The following DNAH9 variants were observed in gnomAD, a reference collection of about 807,000 sequenced individuals.
The protein encoded by DNAH9 is dynein axonemal heavy chain 9, also known as DNAH9 variant protein.
Under a neutral mutation model 471.6 loss-of-function variants are expected in DNAH9, and 345 were observed. The ratio of observed to expected loss-of-function variants is 0.73; its 90% confidence interval spans 0.67 to 0.80. DNAH9 has a LOEUF of 0.80. Among genes scored for constraint, DNAH9 ranks in the 30% least tolerant of loss-of-function variants. The pLI is 0.00. For missense variants in DNAH9, 5,407 were observed against 5,609.2 expected (o/e 0.96, Z 1.15); for synonymous variants, 2,093 against 2,123.6 (o/e 0.99, Z 0.40).
At chr17:11,789,455 T>C (rs1968988847) in intron 41 of DNAH9, among the ~76,000 whole-genome samples, 1 of 152,082 alleles carries the variant, frequency 6.6e-6, no homozygotes, top group Admixed American at 6.5e-5. Flanking sequence ...TGCTAATTTA[T>C]TGGCATAAAA....
At chr17:11,957,640 GTTCTC>G (rs1975719680) in intron 67 of DNAH9, among the ~76,000 whole-genome samples, 1 of 143,902 alleles carries the variant, frequency 6.9e-6, no homozygotes. Flanking sequence ...CAACAAAACT[GTTCTC>G]TTCAGCAGAG....
intron 20 of DNAH9, among the ~76,000 whole-genome samples, chr17:11,692,088 A>C (rs1381728793): frequency 6.6e-6 from 1 of 152,124 alleles, no homozygotes; most frequent in Non-Finnish European, 1.5e-5. Flanking sequence ...GGCTTGAGCC[A>C]CTGTGCCCAG....
Position 11,679,796 on chromosome 17 carries a change from C to G in DNAH9, c.3393C>G (p.Ser1131Arg). The change falls in exon 18 of 69, where the codon AGC becomes AGG. Residue 1131 changes from serine (S) to arginine (R), a missense_variant. Physicochemically the swap from Ser to Arg is moderately radical, Grantham distance 110 (BLOSUM62 -1). Around this residue, in one of 3 missense-constraint regions of DNAH9, gnomAD observed 4,636 missense variants for 4,900.3 expected, o/e 0.95. Coordinates refer to ENST00000262442, the MANE Select transcript of DNAH9 (RefSeq NM_001372.4). ...ATGCGTTTATAAAGAAGAGTGAGAG[C>G]GGCTTACTCAAGAAAGTTGAAAAAG... ...NLDAFIKKSE[S>R]GLLKKVEKGD... 6.2e-7 allele frequency: 1 copy of G among 1,613,978 alleles called. No homozygotes were observed. The highest frequency in any genetic ancestry group is 8.5e-7 in the Non-Finnish European group (1 of 1,179,956).
At chr17:11,667,976 C>G (rs2073903026) in intron 15 of DNAH9, among the ~76,000 whole-genome samples, 1 of 152,064 alleles carries the variant, frequency 6.6e-6, no homozygotes, top group Admixed American at 6.5e-5. Flanking sequence ...AGTATCCAGC[C>G]CATAACGGGC....
At chr17:11,637,458 A>C (rs1338533481) in intron 9 of DNAH9, among the ~76,000 whole-genome samples, 1 of 152,094 alleles carries the variant, frequency 6.6e-6, no homozygotes, top group Non-Finnish European at 1.5e-5. Context: ...ACAAGCTGGA[A>C]GCGATGGTGC....
chr17:11,907,288 C>G (rs1413826247), intron 61 of DNAH9, among the ~76,000 whole-genome samples: 1 of 152,010 alleles, frequency 6.6e-6, no homozygotes, highest in Admixed American at 6.6e-5. Context: ...CTGACCAACA[C>G]AGAGAAACCC....
chr17:11,834,976 A>G, intron 49 of DNAH9, 78 bp downstream of exon 49: 1 of 1,529,934 alleles, frequency 6.5e-7, no homozygotes, highest in Non-Finnish European at 8.8e-7. Flanking sequence ...TTCCCAAGAG[A>G]TGCAAGGACA....
At position 11,943,914 on chromosome 17, in the gene DNAH9, G is replaced by A. The variant is rs554832192; in HGVS notation, c.12843+1429G>A. ...ATAAGAACTTTGCCTGTTATGTAAT[G>A]CAGTTCCATTACTGAGTACGCAGGT... On this transcript the variant is annotated intron_variant, in intron 67 of 68. Transcript: ENST00000262442. Among the ~76,000 whole-genome samples the A allele has an allele frequency of 1.9e-3, 234 of 124,500 alleles. 1 individual carries two copies. The highest frequency in any genetic ancestry group is 5.9e-3 in the African/African-American group (208 of 35,440). The allele number at this position is 124,500 out of a possible 152,430, so 81.7% of individuals were successfully genotyped here.
intron 48 of DNAH9, among the ~76,000 whole-genome samples, chr17:11,829,169 A>G (rs1174945435): frequency 6.6e-6 from 1 of 152,218 alleles, no homozygotes; most frequent in Non-Finnish European, 1.5e-5. Context: ...CTCTGTAACA[A>G]ACTCTTAATC....
rs745510339 is a variant in DNAH9 at position 11,854,352 on chromosome 17, G to A, written c.9857G>A (p.Arg3286His). The change falls in exon 50 of 69, where the codon CGC becomes CAC. Residue 3286 changes from arginine (R) to histidine (H), a missense_variant. Transcript: ENST00000262442. Reference protein sequence around the residue: ...YEVFCDVEPKRQALNKATADL... With the variant: ...YEVFCDVEPKHQALNKATADL... ...GTGTTCTGTGATGTGGAACCCAAGC[G>A]CCAGGCACTGAACAAAGCCACCGCG... The A allele has an allele frequency of 3.6e-5, 58 of 1,613,966 alleles. No homozygotes were observed. The highest frequency in any genetic ancestry group is 3.2e-4 in the Admixed American group (19 of 59,994).
chr17:11,930,941 C>G (rs967501222), intron 63 of DNAH9, among the ~76,000 whole-genome samples: 3 of 152,146 alleles, frequency 2.0e-5, no homozygotes, highest in Non-Finnish European at 4.4e-5. Flanking sequence ...CACTACGTTT[C>G]CATTATGGGG....
Position 11,932,936 on chromosome 17 carries a change from C to A in DNAH9, c.12297+731C>A, listed in dbSNP as rs1214825041. On this transcript the variant is annotated intron_variant, in intron 64 of 68. Transcript: ENST00000262442. The surrounding 1 kb of genome is among the most constrained non-coding windows in gnomAD (Gnocchi z 4.3). ...GAATATTCACCTCGTCAAGGTTATT[C>A]TAGTTCAGGAGCCAAACACAGAGTC... Among the ~76,000 whole-genome samples the A allele has an allele frequency of 6.6e-6, 1 of 152,206 alleles. No individual in the cohort carries two copies. The highest frequency in any genetic ancestry group is 1.5e-5 in the Non-Finnish European group (1 of 68,036).
intron 49 of DNAH9, among the ~76,000 whole-genome samples, chr17:11,843,964 T>C (rs1358394121): frequency 2.7e-5 from 4 of 147,776 alleles, no homozygotes; most frequent in Non-Finnish European, 4.5e-5. Flanking sequence ...CAGGACATAA[T>C]GTTTTATCTC....
At chr17:11,958,098 A>G (rs1042954803) in intron 67 of DNAH9, among the ~76,000 whole-genome samples, 22 of 152,224 alleles carry the variant, frequency 1.4e-4, no homozygotes, top group Admixed American at 9.2e-4. Flanking sequence ...AAAATCAGCT[A>G]TCAAGCCATG....
At chr17:11,728,207 C>T (rs915467743) in intron 28 of DNAH9, among the ~76,000 whole-genome samples, 5 of 152,190 alleles carry the variant, frequency 3.3e-5, no homozygotes, top group Middle Eastern at 3.4e-3. Flanking sequence ...TTCATCTGGG[C>T]ACAGAAACAT....
intron 43 of DNAH9, among the ~76,000 whole-genome samples, chr17:11,803,093 A>G (rs1015852167): frequency 3.5e-4 from 54 of 152,160 alleles, no homozygotes; most frequent in African/African-American, 1.2e-3. Flanking sequence ...TAAATATGAA[A>G]GTCTTTTTTC....
Position 11,744,813 on chromosome 17 carries a change from G to C in DNAH9, c.6128G>C (p.Gly2043Ala), listed in dbSNP as rs749291774. 1.2e-6 allele frequency: 2 copies of C among 1,613,468 alleles called. No individual in the cohort carries two copies. The highest frequency in any genetic ancestry group is 1.7e-6 in the Non-Finnish European group (2 of 1,179,546). The change falls in exon 31 of 69, where the codon GGC (glycine) becomes GCC (alanine). Residue 2043 changes from glycine (G) to alanine (A), a missense_variant. Coordinates refer to ENST00000262442, the MANE Select transcript of DNAH9 (RefSeq NM_001372.4). The stretch of plus-strand genomic sequence containing the variant: ...TGCCCACAGGATCACTACGACTGGG[G>C]CCTACGGGCCATCAAGTCCGTGCTG... ...LLSKQDHYDW[G>A]LRAIKSVLVV...
At chr17:11,768,431 C>T (rs1375093861) in intron 36 of DNAH9, 22 bp from the exon 37 acceptor site, 1 of 1,608,466 alleles carries the variant, frequency 6.2e-7, no homozygotes, top group South Asian at 1.1e-5. Context: ...ACCTTGTCCC[C>T]TGACTGTCTT....
intron 14 of DNAH9, among the ~76,000 whole-genome samples, chr17:11,653,513 C>T (rs2073559640): frequency 6.6e-6 from 1 of 152,182 alleles, no homozygotes. Flanking sequence ...GTCAGGGAAA[C>T]TTTACGTCCC....
Sources: gnomAD v4.1 joint callset for allele counts (sites outside exome capture counted in the v4.1 genomes callset) on GRCh38, gnomAD v4.1.1 for gene constraint, gnomAD v4.1.1 regional missense constraint, Gnocchi (gnomAD v3.1) non-coding constraint, MANE v1.5 for transcripts, NCBI Gene and HGNC (gene_info 2026-07-23, HGNC 2026-07-21) for gene names.